The following COX7C variants were observed in gnomAD, a reference collection of about 807,000 sequenced individuals.
COX7C encodes the protein cytochrome c oxidase subunit 7C, mitochondrial.
Under a neutral mutation model 6.4 loss-of-function variants are expected in COX7C, and 1 was observed. The observed-to-expected ratio is 0.16, with a 90% CI of 0.06 to 0.74. The LOEUF (loss-of-function observed/expected upper bound fraction) is 0.74, where lower values mean the gene tolerates loss of function less well. Ranked by LOEUF, COX7C falls within the 30% of genes least tolerant of loss-of-function variation. The probability of loss-of-function intolerance (pLI) is 0.78; values close to 1 mark genes in which losing one functional copy is unlikely to be tolerated. For missense variants in COX7C, 54 were observed against 73.7 expected (o/e 0.73, Z 0.98); for synonymous variants, 24 against 28.9 (o/e 0.83, Z 0.54).
Position 86,617,976 on chromosome 5 carries a change from G to T in COX7C, c.-80G>T. On this transcript the variant is annotated 5_prime_UTR_variant, in exon 1 of 3. Transcript: ENST00000247655. ...CTTGCGCACCGGGGAACAAGGTCGT[G>T]AAAAAAAAGGTCTTGGTGAGGTGCC... 1 of 1,373,740 alleles carries T rather than the reference G, an allele frequency of 7.3e-7. No homozygotes were observed. The highest frequency in any genetic ancestry group is 1.0e-6 in the Non-Finnish European group (1 of 970,222). The allele number at this position is 1,373,740 out of a possible 1,614,324, so 85.1% of individuals were successfully genotyped here. A position where few individuals can be genotyped will look rare whatever the true frequency, so the allele number is the denominator to read the frequency against.
At chr5:86,618,197 A>G (rs1304567474) in intron 1 of COX7C, 67 bp downstream of exon 1, 12 of 1,456,354 alleles carry the variant, frequency 8.2e-6, no homozygotes, top group Non-Finnish European at 1.1e-5. Flanking sequence ...CGCACCTGCA[A>G]GGCCGCCTCC....
intron 1 of COX7C, chr5:86,618,461 C>A: frequency 3.5e-6 from 1 of 286,478 alleles, no homozygotes; most frequent in South Asian, 4.5e-5. Context: ...GGTCATCGGA[C>A]CCGAAATGAA....
chr5:86,618,017 C>T lies in COX7C; in HGVS notation c.-39C>T, dbSNP rs774922838. On this transcript the variant is annotated 5_prime_UTR_variant, in exon 1 of 3. Coordinates refer to ENST00000247655, the MANE Select transcript of COX7C (RefSeq NM_001867.3). ...GTGAGGTGCCGCCATTTCATCTGTC[C>T]TCATTCTCTGCGCCTTTCGCAGAGC... 3.1e-6 allele frequency: 5 copies of T among 1,605,470 alleles called. No individual in the cohort carries two copies. Among genetic ancestry groups the T allele is most frequent in the African/African-American group, 1.3e-5 (1 of 74,828 alleles).
At chr5:86,618,379 C>A in intron 1 of COX7C, 1 of 484,444 alleles carries the variant, frequency 2.1e-6, no homozygotes, top group Non-Finnish European at 3.8e-6. Context: ...CCCCCTCCCC[C>A]GCCCCGCAGA....
intron 1 of COX7C, among the ~76,000 whole-genome samples, chr5:86,618,717 G>T (rs996251622): frequency 6.6e-5 from 10 of 152,162 alleles, no homozygotes; most frequent in African/African-American, 2.4e-4. Context: ...GGCCAGGTGC[G>T]GTGGCGCACG....
At chr5:86,618,739 GAGGCTA>G (rs1186737055) in intron 1 of COX7C, among the ~76,000 whole-genome samples, 2 of 152,142 alleles carry the variant, frequency 1.3e-5, no homozygotes, top group Non-Finnish European at 2.9e-5. Flanking sequence ...CTGTAATCGG[GAGGCTA>G]AGGCGTTCGG....
Position 86,619,547 on chromosome 5 carries a change from C to T in COX7C, c.*27+51C>T, listed in dbSNP as rs1270797832. 14 of 900,944 alleles carry T rather than the reference C, an allele frequency of 1.6e-5. No homozygotes were observed. In the Admixed American group the frequency reaches 1.6e-4, roughly 10 times the overall value. The allele number at this position is 900,944 out of a possible 1,614,324, so 55.8% of individuals were successfully genotyped here. On this transcript the variant is annotated intron_variant, in intron 2 of 2. Coordinates refer to ENST00000247655, the MANE Select transcript of COX7C (RefSeq NM_001867.3). ...TAAAGCAGGCCTTTTTATTAAGTAG[C>T]CTCTTCCCCATCACCCAGAACACAC...
At position 86,619,455 on chromosome 5, in the gene COX7C, C is replaced by T; in HGVS notation, c.178C>T (p.Leu60=). Residue 60 remains leucine (L), a synonymous_variant, in exon 2 of 3, where the codon CTG becomes TTG. Transcript: ENST00000247655. ...ACCCTTCCTTGTAGTAAGACACCAA[C>T]TGCTTAAAACATAAGGATGTTTCAG... ...ATPFLVVRHQ[L]LKT is the part of the protein sequence containing the mutation. 1.2e-6 allele frequency: 2 copies of T among 1,603,174 alleles called. No individual in the cohort carries two copies. Among genetic ancestry groups the T allele is most frequent in the Non-Finnish European group, 1.7e-6 (2 of 1,170,038 alleles).
chr5:86,620,442 G>A, intron 2 of COX7C: 1 of 241,160 alleles, frequency 4.1e-6, no homozygotes, highest in East Asian at 8.8e-5. Flanking sequence ...TAGGATGATT[G>A]GAAAGAGTGT....
chr5:86,619,388 A>G lies in COX7C; in HGVS notation c.111A>G (p.Leu37=), dbSNP rs751349996. 3.1e-6 allele frequency: 5 copies of G among 1,613,376 alleles called. No individual in the cohort carries two copies. The highest frequency in any genetic ancestry group is 4.2e-6 in the Non-Finnish European group (5 of 1,179,838). The stretch of plus-strand genomic sequence containing the variant: ...TTTCAGTGGAAAACAAGTGGTCGTT[A>G]CTAGCTAAGATGTGTTTGTACTTTG... ...LPFSVENKWS[L]LAKMCLYFGS... is the part of the protein sequence containing the mutation. Residue 37 remains leucine, a synonymous_variant, in exon 2 of 3, where the codon TTA becomes TTG. Coordinates refer to ENST00000247655, the MANE Select transcript of COX7C (RefSeq NM_001867.3).
At chr5:86,619,578 A>C (rs535489570) in intron 2 of COX7C, 82 bp downstream of exon 2, 4 of 751,522 alleles carry the variant, frequency 5.3e-6, no homozygotes, top group Middle Eastern at 2.4e-4. Context: ...CACACACACA[A>C]ATACATTGTT....
chr5:86,619,833 T>C (rs1750084091), intron 2 of COX7C: 1 of 179,646 alleles, frequency 5.6e-6, no homozygotes, highest in Admixed American at 5.5e-5. Context: ...GGACCAGGAC[T>C]CTTGCCCAGG....
chr5:86,618,218 G>T (rs1750038491), intron 1 of COX7C, 88 bp downstream of exon 1: 2 of 1,239,680 alleles, frequency 1.6e-6, no homozygotes, highest in Non-Finnish European at 2.4e-6. Flanking sequence ...GGGCTGTGGC[G>T]TGGGAGATGA....
At position 86,620,880 on chromosome 5, in the gene COX7C, TA is replaced by T. The variant is rs1750106556; in HGVS notation, c.*243del. The T allele has an allele frequency of 6.4e-6, 1 of 156,840 alleles. No individual in the cohort carries two copies. Among genetic ancestry groups the T allele is most frequent in the Admixed American group, 6.4e-5 (1 of 15,670 alleles). The allele number at this position is 156,840 out of a possible 1,614,324, so 9.7% of individuals were successfully genotyped here. ...TGTGATTTAGCTTATTTAATGGTGT[TA>T]AACTGAGGTTATATTAAATTTTTGA... On this transcript the variant is annotated 3_prime_UTR_variant, in exon 3 of 3. Transcript: ENST00000247655.
intron 2 of COX7C, chr5:86,620,177 T>C (rs1188044233): frequency 6.6e-6 from 1 of 152,348 alleles, no homozygotes; most frequent in Admixed American, 6.5e-5. Context: ...CTTTCCTCAT[T>C]AAGGCAGTGG....
At chr5:86,618,964 G>A (rs902064690) in intron 1 of COX7C, among the ~76,000 whole-genome samples, 14 of 149,462 alleles carry the variant, frequency 9.4e-5, no homozygotes, top group Admixed American at 9.3e-4. Flanking sequence ...CCTGGACAGA[G>A]CGGGACTCCG....
rs1229804780 is a variant in COX7C at position 86,620,929 on chromosome 5, G to A, written c.*289G>A. On this transcript the variant is annotated 3_prime_UTR_variant, in exon 3 of 3. Coordinates refer to ENST00000247655, the MANE Select transcript of COX7C (RefSeq NM_001867.3). The stretch of plus-strand genomic sequence containing the variant: ...TGATTCCCAGGTCAGGATTTTGTTG[G>A]TAATTTATATAATAAAAGGGAAATA... 1 of 152,036 alleles carries A rather than the reference G, an allele frequency of 6.6e-6. No homozygotes were observed. Among genetic ancestry groups the A allele is most frequent in the Non-Finnish European group, 1.5e-5 (1 of 68,326 alleles). The allele number at this position is 152,036 out of a possible 1,614,324, so 9.4% of individuals were successfully genotyped here.
rs1376797023 is a variant in COX7C at position 86,618,146 on chromosome 5, G to A, written c.75+16G>A. The A allele has an allele frequency of 1.2e-6, 2 of 1,613,324 alleles. No individual in the cohort carries two copies. Among genetic ancestry groups the A allele is most frequent in the Non-Finnish European group, 1.7e-6 (2 of 1,179,462 alleles). ...CCCTGGGAAGGTTAGTGTGTAAGGG[G>A]CACGGCTTCGTTGGGGGAGGGGGCG... On this transcript the variant is annotated intron_variant, in intron 1 of 2. Coordinates refer to ENST00000247655, the MANE Select transcript of COX7C (RefSeq NM_001867.3).
intron 1 of COX7C, chr5:86,618,344 C>G: frequency 3.7e-6 from 2 of 537,560 alleles, no homozygotes; most frequent in South Asian, 4.3e-5. Flanking sequence ...GATCCGGAAG[C>G]CCTGCCTCCA....
Sources: gnomAD v4.1 joint callset for allele counts (sites outside exome capture counted in the v4.1 genomes callset) on GRCh38, gnomAD v4.1.1 for gene constraint, MANE v1.5 for transcripts, NCBI Gene and HGNC (gene_info 2026-07-23, HGNC 2026-07-21) for gene names.